SYNDIG1: variants seen among roughly 807,000 people sequenced by gnomAD.
SYNDIG1 encodes the protein synapse differentiation-inducing gene protein 1.
SYNDIG1 carries 9 observed loss-of-function variants against 19.4 expected under a neutral mutation model. The observed-to-expected ratio is 0.46, with a 90% CI of 0.28 to 0.81. SYNDIG1 has a LOEUF of 0.81. Among genes scored for constraint, SYNDIG1 ranks in the 30% least tolerant of loss-of-function variants. The pLI is 0.12. For synonymous variants in SYNDIG1, 141 were observed against 145.9 expected (o/e 0.97, Z 0.24); for missense variants, 311 against 343.3 (o/e 0.91, Z 0.74).
At chr20:24,611,191 T>C (rs569890708) in intron 3 of SYNDIG1, among the ~76,000 whole-genome samples, 20 of 152,010 alleles carry the variant, frequency 1.3e-4, no homozygotes, top group Admixed American at 3.3e-4. Flanking sequence ...ATCCCAAACA[T>C]TCTCTCTCTA....
intron 2 of SYNDIG1, among the ~76,000 whole-genome samples, chr20:24,559,683 C>A (rs934531042): frequency 6.6e-6 from 1 of 152,124 alleles, no homozygotes; most frequent in Non-Finnish European, 1.5e-5. Flanking sequence ...ATTCATTCAG[C>A]CTTTATTTAC....
chr20:24,508,467 C>T, intron 1 of SYNDIG1, among the ~76,000 whole-genome samples: 1 of 151,560 alleles, frequency 6.6e-6, no homozygotes, highest in Admixed American at 6.6e-5. Flanking sequence ...ATCTGCCCGC[C>T]TCAGCCTCCC....
intron 1 of SYNDIG1, among the ~76,000 whole-genome samples, 182 bp downstream of exon 1, chr20:24,469,935 G>T (rs1232802779): frequency 6.6e-6 from 1 of 152,126 alleles, no homozygotes; most frequent in East Asian, 2.0e-4. Context: ...GGTAAGTCCG[G>T]GTGGTCGCCG....
chr20:24,584,743 C>A, intron 2 of SYNDIG1, 113 bp from the exon 3 acceptor site: 1 of 1,442,954 alleles, frequency 6.9e-7, no homozygotes, highest in Non-Finnish European at 9.5e-7. Context: ...ACTGCAGCTG[C>A]CTCCCGGGGA....
chr20:24,580,146 A>G (rs1324451001), intron 2 of SYNDIG1, among the ~76,000 whole-genome samples: 2 of 152,176 alleles, frequency 1.3e-5, no homozygotes, highest in Non-Finnish European at 2.9e-5. Context: ...TGTACAGATT[A>G]AATGACTCAT....
intron 3 of SYNDIG1, among the ~76,000 whole-genome samples, chr20:24,619,251 T>G (rs2058999629): frequency 6.6e-6 from 1 of 152,208 alleles, no homozygotes; most frequent in South Asian, 2.1e-4. Flanking sequence ...GATCCTTTAA[T>G]CGGGTGCATA....
intron 1 of SYNDIG1, among the ~76,000 whole-genome samples, chr20:24,491,073 A>G (rs1427090020): frequency 6.6e-6 from 1 of 152,166 alleles, no homozygotes; most frequent in Non-Finnish European, 1.5e-5. Context: ...TCAGGAAAGG[A>G]CAGGCGCCAT....
chr20:24,489,130 A>G (rs1311084029), intron 1 of SYNDIG1, among the ~76,000 whole-genome samples: 2 of 152,150 alleles, frequency 1.3e-5, no homozygotes, highest in Non-Finnish European at 2.9e-5. Context: ...CCACCTTCCC[A>G]TCTGTACGCA....
chr20:24,547,525 C>T (rs943685041), intron 2 of SYNDIG1, among the ~76,000 whole-genome samples: 12 of 152,110 alleles, frequency 7.9e-5, no homozygotes, highest in South Asian at 4.2e-4. Flanking sequence ...TGGGGCTTTG[C>T]GGGAGTGCAG....
intron 1 of SYNDIG1, among the ~76,000 whole-genome samples, chr20:24,476,709 A>T (rs75609329): frequency 6.6e-6 from 1 of 152,008 alleles, no homozygotes; most frequent in Non-Finnish European, 1.5e-5. Context: ...ACAAAAAAAA[A>T]CTGTGGATAT....
At chr20:24,604,741 CCTTTA>C (rs1225310989) in intron 3 of SYNDIG1, among the ~76,000 whole-genome samples, 1 of 152,072 alleles carries the variant, frequency 6.6e-6, no homozygotes, top group Non-Finnish European at 1.5e-5. Flanking sequence ...TTCTTTTATT[CCTTTA>C]CTTTTTTAAT....
intron 1 of SYNDIG1, among the ~76,000 whole-genome samples, chr20:24,537,083 C>T (rs192891143): frequency 2.0e-4 from 30 of 152,290 alleles, no homozygotes. Flanking sequence ...AGCCTTTCTT[C>T]CACATGCCTA....
chr20:24,572,993 C>T (rs1358967536), intron 2 of SYNDIG1, among the ~76,000 whole-genome samples: 1 of 152,108 alleles, frequency 6.6e-6, no homozygotes, highest in African/African-American at 2.4e-5. Context: ...GGCACTCTAC[C>T]AGCCTCCTCC....
chr20:24,549,554 G>T (rs1422571759), intron 2 of SYNDIG1, among the ~76,000 whole-genome samples: 1 of 152,178 alleles, frequency 6.6e-6, no homozygotes, highest in Non-Finnish European at 1.5e-5. Flanking sequence ...AGAGGCTGGG[G>T]CGAGTGCTTT....
intron 3 of SYNDIG1, among the ~76,000 whole-genome samples, chr20:24,631,966 G>A (rs2059250470): frequency 6.6e-6 from 1 of 152,162 alleles, no homozygotes; most frequent in South Asian, 2.1e-4. Flanking sequence ...ATTGCTTATA[G>A]TTACATCAAC....
intron 2 of SYNDIG1, among the ~76,000 whole-genome samples, chr20:24,559,439 A>G (rs2146863275): frequency 6.6e-6 from 1 of 152,220 alleles, no homozygotes; most frequent in Non-Finnish European, 1.5e-5. Flanking sequence ...TACTCCATAA[A>G]TGTGTACAAA....
chr20:24,543,101 G>T lies in SYNDIG1; in HGVS notation c.4G>T (p.Asp2Tyr), dbSNP rs140803711. 3.7e-6 allele frequency: 6 copies of T among 1,612,906 alleles called. No individual in the cohort carries two copies. The East Asian group carries it at 1.1e-4, about 30-fold the overall frequency. Residue 2 changes from aspartate to tyrosine, a missense_variant, in exon 2 of 4, where the codon GAT becomes TAT. By Grantham distance (160) the Asp-to-Tyr change is radical. Coordinates refer to ENST00000376862, the MANE Select transcript of SYNDIG1 (RefSeq NM_024893.3). The stretch of plus-strand genomic sequence containing the variant: ...GCCCAGCCAGGGAGAGAGTACCATG[G>T]ATGGCATCATTGAACAGAAGAGCAT... MDGIIEQKSMLV... is the reference protein window; with the variant it reads MYGIIEQKSMLV...
chr20:24,555,563 C>T (rs556037351), intron 2 of SYNDIG1, among the ~76,000 whole-genome samples: 26 of 152,230 alleles, frequency 1.7e-4, no homozygotes, highest in African/African-American at 4.8e-4. Context: ...TCATTATGTA[C>T]GCAGTAGTCA....
chr20:24,554,604 A>G (rs1284498737), intron 2 of SYNDIG1, among the ~76,000 whole-genome samples: 1 of 152,338 alleles, frequency 6.6e-6, no homozygotes, highest in East Asian at 1.9e-4. Context: ...GCTGGGTTAC[A>G]TTTATTCATT....
Sources: allele counts gnomAD v4.1 joint callset (sites outside exome capture counted in the v4.1 genomes callset), GRCh38; gene constraint gnomAD v4.1.1; transcripts MANE v1.5; gene names NCBI Gene and HGNC (gene_info 2026-07-23, HGNC 2026-07-21).